IL1RAPL2: variants seen among roughly 807,000 people sequenced by gnomAD.
IL1RAPL2 encodes the protein X-linked interleukin-1 receptor accessory protein-like 2.
Under a neutral mutation model 44.1 loss-of-function variants are expected in IL1RAPL2, and 3 were observed. That is an observed-to-expected ratio of 0.07 (90% CI 0.03 to 0.18). The LOEUF is 0.18. IL1RAPL2 is among the 10% of genes least tolerant of loss of function. The pLI, the probability that IL1RAPL2 is intolerant of heterozygous loss-of-function variation, is 1.00. For synonymous variants in IL1RAPL2, 181 were observed against 178.8 expected (o/e 1.01, Z -0.10); for missense variants, 391 against 496.4 (o/e 0.79, Z 2.02).
At chrX:104,674,346 A>G (rs1171524367) in intron 2 of IL1RAPL2, among the ~76,000 whole-genome samples, 1 of 111,838 alleles carries the variant, frequency 8.9e-6, no homozygotes, top group East Asian at 2.8e-4. Flanking sequence ...TTCTGCATCT[A>G]TTGAGATAAT....
intron 6 of IL1RAPL2, among the ~76,000 whole-genome samples, chrX:105,689,924 T>C (rs1181997185): frequency 9.0e-6 from 1 of 111,474 alleles, no homozygotes; most frequent in African/African-American, 3.3e-5. Context: ...TGCAGGGACA[T>C]GGATGAAGCT....
At chrX:105,506,468 C>T (rs2036431889) in intron 6 of IL1RAPL2, among the ~76,000 whole-genome samples, 1 of 111,066 alleles carries the variant, frequency 9.0e-6, no homozygotes, top group African/African-American at 3.3e-5. Flanking sequence ...TTTTATTATG[C>T]ACTCTTCTGG....
At chrX:105,501,141 C>T (rs1015881705) in intron 6 of IL1RAPL2, among the ~76,000 whole-genome samples, 3 of 111,281 alleles carry the variant, frequency 2.7e-5, no homozygotes, top group African/African-American at 6.5e-5. Flanking sequence ...TGTGCACAGT[C>T]GTATGTATGA....
chrX:104,983,481 A>AATATTATATTAGATACATAATATTAT (rs1569355642), intron 2 of IL1RAPL2, among the ~76,000 whole-genome samples: 2 of 100,302 alleles, frequency 2.0e-5, no homozygotes, highest in African/African-American at 7.3e-5. Flanking sequence ...AATATTATAT[A>AATATTATATTAGATACATAATATTAT]ATATTATATT....
At chrX:105,728,685 G>A (rs958729847) in intron 7 of IL1RAPL2, among the ~76,000 whole-genome samples, 2 of 110,730 alleles carry the variant, frequency 1.8e-5, no homozygotes, top group African/African-American at 6.5e-5. Flanking sequence ...GACTTAGTGT[G>A]GCACATTTAT....
chrX:105,062,060 A>G (rs1285329871), intron 2 of IL1RAPL2, among the ~76,000 whole-genome samples: 1 of 111,215 alleles, frequency 9.0e-6, no homozygotes, highest in Non-Finnish European at 1.9e-5. Context: ...TACTCCTGCT[A>G]TTTTGTTATT....
At chrX:105,294,567 T>G (rs1231181890) in intron 5 of IL1RAPL2, among the ~76,000 whole-genome samples, 1 of 112,309 alleles carries the variant, frequency 8.9e-6, no homozygotes, top group Non-Finnish European at 1.9e-5. Flanking sequence ...TGTCTCTGGT[T>G]GACCTGTTTA....
intron 4 of IL1RAPL2, among the ~76,000 whole-genome samples, chrX:105,256,109 T>G (rs1362275121): frequency 9.0e-6 from 1 of 110,879 alleles, no homozygotes; most frequent in Non-Finnish European, 1.9e-5. Context: ...CAGCCTGAAG[T>G]TTGTTGTTGT....
intron 2 of IL1RAPL2, among the ~76,000 whole-genome samples, chrX:104,847,542 A>G (rs1380084192): frequency 5.3e-4 from 58 of 110,314 alleles, no homozygotes; most frequent in Non-Finnish European, 9.8e-4. Flanking sequence ...GTTCTGTTCC[A>G]CTCGTCTATA....
chrX:105,246,457 C>CAAA (rs2034220224), intron 4 of IL1RAPL2, among the ~76,000 whole-genome samples: 1 of 111,544 alleles, frequency 9.0e-6, no homozygotes, highest in African/African-American at 3.3e-5. Flanking sequence ...AAATCAATAT[C>CAAA]AAATCCATCT....
intron 2 of IL1RAPL2, among the ~76,000 whole-genome samples, chrX:104,766,441 C>T (rs1480469723): frequency 9.0e-6 from 1 of 111,227 alleles, no homozygotes; most frequent in Non-Finnish European, 1.9e-5. Context: ...CTCCCTCCCT[C>T]TCTTCTTCCT....
intron 5 of IL1RAPL2, among the ~76,000 whole-genome samples, chrX:105,455,260 A>G (rs1235391834): frequency 8.9e-6 from 1 of 112,282 alleles, no homozygotes; most frequent in Non-Finnish European, 1.9e-5. Context: ...ATTGTCTCCC[A>G]TTCTGTAGGT....
At chrX:104,951,116 G>A (rs1202322304) in intron 2 of IL1RAPL2, among the ~76,000 whole-genome samples, 2 of 112,082 alleles carry the variant, frequency 1.8e-5, no homozygotes, top group Admixed American at 9.4e-5. Context: ...ACCTCAGATG[G>A]AAATGCAGAA....
chrX:105,002,324 AAAG>A (rs748354176), intron 2 of IL1RAPL2, among the ~76,000 whole-genome samples: 133 of 111,408 alleles, frequency 1.2e-3, no homozygotes, highest in African/African-American at 3.9e-3. Context: ...TAAGCCTGAC[AAAG>A]AAGGAGAATG....
intron 2 of IL1RAPL2, among the ~76,000 whole-genome samples, chrX:105,067,275 TAC>T (rs1440210688): frequency 1.8e-5 from 2 of 110,567 alleles, no homozygotes; most frequent in Non-Finnish European, 1.9e-5. Context: ...TGAATACACA[TAC>T]AGAGACCCTT....
chrX:105,085,055 G>C (rs1296718152), intron 2 of IL1RAPL2, among the ~76,000 whole-genome samples: 1 of 111,994 alleles, frequency 8.9e-6, no homozygotes, highest in Non-Finnish European at 1.9e-5. Context: ...TAGGTTTCCT[G>C]AGGCCTCCAC....
chrX:104,766,368 G>GGCCTGCTT (rs780039779), intron 2 of IL1RAPL2, among the ~76,000 whole-genome samples: 13 of 60,255 alleles, frequency 2.2e-4, no homozygotes, highest in African/African-American at 4.6e-4. Context: ...ATTCCTGGCT[G>GGCCTGCTT]GCCTGCCTGC....
chrX:105,358,925 C>A (rs759191323), intron 5 of IL1RAPL2, among the ~76,000 whole-genome samples: 1 of 111,658 alleles, frequency 9.0e-6, no homozygotes, highest in Non-Finnish European at 1.9e-5. Flanking sequence ...TAGTTGCCTA[C>A]GGCCTCAGCA....
At chrX:105,057,842 C>T (rs1257873739) in intron 2 of IL1RAPL2, among the ~76,000 whole-genome samples, 1 of 103,957 alleles carries the variant, frequency 9.6e-6, no homozygotes, top group Non-Finnish European at 2.0e-5. Flanking sequence ...AGTGCGGTGG[C>T]ATGATCTCAG....
Sources: allele counts gnomAD v4.1 joint callset (sites outside exome capture counted in the v4.1 genomes callset), GRCh38; gene constraint gnomAD v4.1.1; transcripts MANE v1.5; gene names NCBI Gene and HGNC (gene_info 2026-07-23, HGNC 2026-07-21).